TKTL1: variants seen among roughly 807,000 people sequenced by gnomAD.
TKTL1 encodes the protein transketolase-like protein 1.
In TKTL1, 1 loss-of-function variant was observed where a neutral mutation model predicts 39.3. The ratio of observed to expected loss-of-function variants is 0.03; its 90% CI spans 0.01 to 0.12. TKTL1 has a LOEUF of 0.12. Ranked by LOEUF, TKTL1 falls within the 10% of genes least tolerant of loss-of-function variation. TKTL1 has a pLI of 1.00. For synonymous variants in TKTL1, 262 were observed against 193.8 expected (o/e 1.35, Z -2.92); for missense variants, 575 against 509.6 (o/e 1.13, Z -1.24).
intron 9 of TKTL1, among the ~76,000 whole-genome samples, chrX:154,324,580 G>A (rs782721597): frequency 8.9e-6 from 1 of 112,014 alleles, no homozygotes; most frequent in Non-Finnish European, 1.9e-5. Flanking sequence ...GCTTCATAGT[G>A]GGGGGAGACT....
intron 8 of TKTL1, among the ~76,000 whole-genome samples, chrX:154,322,095 G>A (rs2067455475): frequency 9.2e-6 from 1 of 109,266 alleles, no homozygotes; most frequent in Admixed American, 9.8e-5. Flanking sequence ...TTAGCCAGGT[G>A]TGGTGGCACG....
Position 154,323,169 on chromosome X carries a change from G to A in TKTL1, c.1187-38G>A, listed in dbSNP as rs373054690. On this transcript the variant is annotated intron_variant, in intron 8 of 12. Coordinates refer to ENST00000369915, the MANE Select transcript of TKTL1 (RefSeq NM_012253.4). ...GGGTGGAGGGCAGGTTCCTAATGGGGTTATGCTCCTGTTTTCATCGGGCTC... is the reference window on the plus strand; with the variant it reads ...GGGTGGAGGGCAGGTTCCTAATGGGATTATGCTCCTGTTTTCATCGGGCTC... The A allele has an allele frequency of 4.2e-5, 51 of 1,203,486 alleles. No individual in the cohort carries two copies. The South Asian group carries it at 7.9e-4, about 19-fold the overall frequency.
In TKTL1 at chrX:154,320,816, T is replaced by C. The variant is rs369823381; in HGVS notation, c.1089T>C (p.Phe363=). 1.7e-6 allele frequency: 2 copies of C among 1,209,652 alleles called. No homozygotes were observed. Among genetic ancestry groups the C allele is most frequent in the African/African-American group, 3.5e-5 (2 of 57,090 alleles). ...RGRTIAFAST[F]AAFLTRAFDH... Reference sequence around the variant, plus strand: ...GGACCATTGCTTTTGCTAGCACCTTTGCTGCCTTTCTGACTCGAGCATTTG... The same window carrying C: ...GGACCATTGCTTTTGCTAGCACCTTCGCTGCCTTTCTGACTCGAGCATTTG... The change falls in exon 8 of 13, where the codon TTT becomes TTC. Residue 363 remains phenylalanine (F), a synonymous_variant. Coordinates refer to ENST00000369915, the MANE Select transcript of TKTL1 (RefSeq NM_012253.4).
At chrX:154,317,498 C>G (rs937429804) in intron 7 of TKTL1, among the ~76,000 whole-genome samples, 2 of 112,347 alleles carry the variant, frequency 1.8e-5, no homozygotes, top group Admixed American at 9.4e-5. Context: ...ACGCAGAAAA[C>G]TCTCCAGGGC....
chrX:154,309,255 T>G (rs1229855556), intron 2 of TKTL1, 90 bp from the exon 3 acceptor site: 1 of 766,684 alleles, frequency 1.3e-6, no homozygotes, highest in Non-Finnish European at 2.0e-6. Context: ...GCTACAGAGC[T>G]GACAGGAGCA....
At chrX:154,312,947 T>TA (rs1239032115) in intron 6 of TKTL1, among the ~76,000 whole-genome samples, 174 bp downstream of exon 6, 1 of 112,010 alleles carries the variant, frequency 8.9e-6, no homozygotes, top group African/African-American at 3.2e-5. Flanking sequence ...TTGCCATTTT[T>TA]AAAAAATACA....
chrX:154,306,756 C>T (rs1432586695), intron 2 of TKTL1, among the ~76,000 whole-genome samples: 1 of 109,634 alleles, frequency 9.1e-6, no homozygotes, highest in African/African-American at 3.3e-5. Context: ...CCCATTTCAG[C>T]CTCTTGAGTA....
At position 154,320,845 on chromosome X, in the gene TKTL1, A is replaced by C; in HGVS notation, c.1118A>C (p.His373Pro). Residue 373 changes from histidine to proline, a missense_variant, in exon 8 of 13, where the codon CAC becomes CCC. Coordinates refer to ENST00000369915, the MANE Select transcript of TKTL1 (RefSeq NM_012253.4). The stretch of plus-strand genomic sequence containing the variant: ...GCCTTTCTGACTCGAGCATTTGATC[A>C]CATCCGGATAGGAGGCCTCGCTGAG... ...FAAFLTRAFD[H>P]IRIGGLAESN... 1 of 1,211,342 alleles carries C rather than the reference A, an allele frequency of 8.3e-7. No individual in the cohort carries two copies. The highest frequency in any genetic ancestry group is 1.1e-6 in the Non-Finnish European group (1 of 895,119).
At chrX:154,302,363 C>G (rs1490312646) in intron 1 of TKTL1, among the ~76,000 whole-genome samples, 3 of 111,673 alleles carry the variant, frequency 2.7e-5, no homozygotes, top group African/African-American at 9.8e-5. Context: ...AATGCCAAGA[C>G]TGGGTGGCTT....
intron 1 of TKTL1, among the ~76,000 whole-genome samples, chrX:154,303,175 ATTTTTATTTATTTATTTATT>A (rs2067287223): frequency 1.1e-5 from 1 of 92,695 alleles, no homozygotes; most frequent in African/African-American, 4.2e-5. Flanking sequence ...ATTTTTTAAA[ATTTTTATTTATTTATTTATT>A]TATTTATTTA....
At chrX:154,320,946 C>T (rs1341886385) in intron 8 of TKTL1, 33 bp downstream of exon 8, 2 of 1,185,958 alleles carry the variant, frequency 1.7e-6, no homozygotes, top group Non-Finnish European at 2.3e-6. Context: ...TCTTGGTAGC[C>T]TTCCTCCTTC....
chrX:154,305,671 G>C (rs1185974385), intron 2 of TKTL1, among the ~76,000 whole-genome samples: 1 of 110,822 alleles, frequency 9.0e-6, no homozygotes, highest in Non-Finnish European at 1.9e-5. Context: ...GCCCCACTTA[G>C]CACGAACGCT....
At chrX:154,323,786 C>G (rs782726648) in intron 9 of TKTL1, among the ~76,000 whole-genome samples, 1 of 112,608 alleles carries the variant, frequency 8.9e-6, no homozygotes, top group Non-Finnish European at 1.9e-5. Context: ...TACAAACGAA[C>G]CCGGGTTCCC....
At chrX:154,319,409 C>T (rs1374593017) in intron 7 of TKTL1, among the ~76,000 whole-genome samples, 1 of 111,770 alleles carries the variant, frequency 8.9e-6, no homozygotes, top group Non-Finnish European at 1.9e-5. Flanking sequence ...AGAGCATGCC[C>T]TTTGGGGATC....
chrX:154,309,340 TAC>T lies in TKTL1; in HGVS notation c.253-3_253-2del. 1 of 1,209,093 alleles carries T rather than the reference TAC, an allele frequency of 8.3e-7. No homozygotes were observed. The highest frequency in any genetic ancestry group is 1.1e-6 in the Non-Finnish European group (1 of 892,990). ...TCTGGGCTCACTGGGTCCCTTCTCT[TAC>T]AGAGACTGTCGTTTGTGGATGTGGC... On this transcript the variant is annotated splice_region_variant and splice_polypyrimidine_tract_variant and intron_variant, in intron 2 of 12. Coordinates refer to ENST00000369915, the MANE Select transcript of TKTL1 (RefSeq NM_012253.4).
intron 1 of TKTL1, among the ~76,000 whole-genome samples, chrX:154,298,178 C>T (rs1557165070): frequency 9.0e-6 from 1 of 110,630 alleles, no homozygotes; most frequent in Non-Finnish European, 1.9e-5. Context: ...CTTTTTATTT[C>T]TGTAGAAGCG....
chrX:154,318,498 G>A (rs1419362659), intron 7 of TKTL1, among the ~76,000 whole-genome samples: 6 of 104,913 alleles, frequency 5.7e-5, no homozygotes, highest in Non-Finnish European at 9.8e-5. Context: ...AGGAGATGGA[G>A]ACCATCCTGG....
intron 2 of TKTL1, among the ~76,000 whole-genome samples, chrX:154,308,059 C>T (rs1266193494): frequency 1.8e-5 from 2 of 111,732 alleles, no homozygotes; most frequent in African/African-American, 3.3e-5. Flanking sequence ...CATCTCTGCT[C>T]GAATGGCGCT....
chrX:154,297,422 A>T (rs1378390001), intron 1 of TKTL1, among the ~76,000 whole-genome samples: 1 of 109,553 alleles, frequency 9.1e-6, no homozygotes, highest in Non-Finnish European at 1.9e-5. Context: ...CGCCTGGCTA[A>T]TTTTTTCTGT....
Sources: gnomAD v4.1 joint callset for allele counts (sites outside exome capture counted in the v4.1 genomes callset) on GRCh38, gnomAD v4.1.1 for gene constraint, MANE v1.5 for transcripts, NCBI Gene and HGNC (gene_info 2026-07-23, HGNC 2026-07-21) for gene names.